ANG: variants seen among roughly 807,000 people sequenced by gnomAD.
ANG encodes the protein angiogenin.
For missense variants in ANG, 178 were observed against 187.4 expected, an observed-to-expected ratio of 0.95 and a Z score of 0.29; for synonymous variants, 74 against 73.8, an observed-to-expected ratio of 1.00 and a Z score of -0.02.
At chr14:20,684,416 T>C (rs1886322047), upstream of ANG, 1 of 152,222 alleles carries the variant, frequency 6.6e-6, no homozygotes, top group African/African-American at 2.4e-5. Context: ...GCTCGTTCTT[T>C]GCCTGGGCTG....
chr14:20,691,544 T>A (rs942057807), intron 1 of ANG, among the ~76,000 whole-genome samples: 2 of 152,234 alleles, frequency 1.3e-5, no homozygotes, highest in Admixed American at 1.3e-4. Flanking sequence ...CCTTTAGGGC[T>A]GGCTCTCCAT....
Position 20,694,034 on chromosome 14 carries a change from G to T in ANG, c.*26G>T. The stretch of plus-strand genomic sequence containing the variant: ...CCAGCGGGCCCCTGGTCAAGTGCTG[G>T]CTCTGCTGTCCTTGCCTTCCATTTC... On this transcript the variant is annotated 3_prime_UTR_variant, in exon 2 of 2. Transcript: ENST00000397990. 3.1e-6 allele frequency: 5 copies of T among 1,613,386 alleles called. No individual in the cohort carries two copies. The highest frequency in any genetic ancestry group is 4.2e-6 in the Non-Finnish European group (5 of 1,179,334).
In ANG at chr14:20,693,762, C is replaced by A; in HGVS notation, c.198C>A (p.Ile66=). The A allele has an allele frequency of 1.2e-6, 2 of 1,614,208 alleles. No individual in the cohort carries two copies. Among genetic ancestry groups the A allele is most frequent in the Non-Finnish European group, 1.7e-6 (2 of 1,180,046 alleles). The change falls in exon 2 of 2, where the codon ATC becomes ATA. Residue 66 remains isoleucine (I), a synonymous_variant. Coordinates refer to ENST00000397990, the MANE Select transcript of ANG (RefSeq NM_001097577.3). ...GCCTGACCTCACCCTGCAAAGACAT[C>A]AACACATTTATTCATGGCAACAAGC... is the stretch of plus-strand genomic sequence containing the variant. ...RRGLTSPCKD[I]NTFIHGNKRS... is the part of the protein sequence containing the mutation.
chr14:20,693,523 C>T (rs938508348), intron 1 of ANG, 24 bp from the exon 2 acceptor site: 4 of 1,607,502 alleles, frequency 2.5e-6, no homozygotes, highest in East Asian at 4.5e-5. Context: ...TTGGGTCTAC[C>T]ACACCTCCTT....
intron 1 of ANG, among the ~76,000 whole-genome samples, chr14:20,692,972 C>A (rs1219702756): frequency 1.3e-5 from 2 of 151,772 alleles, no homozygotes; most frequent in East Asian, 3.9e-4. Context: ...CTCAGCCTCC[C>A]GAGTAGCTGG....
At chr14:20,692,465 A>G (rs538698813) in intron 1 of ANG, among the ~76,000 whole-genome samples, 3 of 152,354 alleles carry the variant, frequency 2.0e-5, no homozygotes, top group South Asian at 2.1e-4. Flanking sequence ...GAGGTCCCCA[A>G]ATCCCGGTCT....
chr14:20,691,321 G>GAACAAAT (rs1342712844), intron 1 of ANG, among the ~76,000 whole-genome samples: 4 of 152,314 alleles, frequency 2.6e-5, no homozygotes, highest in Non-Finnish European at 5.9e-5. Flanking sequence ...GCAGACCTTT[G>GAACAAAT]ACATTAGAAG....
At position 20,693,572 on chromosome 14, in the gene ANG, T is replaced by G; in HGVS notation, c.8T>G (p.Met3Arg). Residue 3 changes from methionine (M) to arginine (R), a missense_variant, in exon 2 of 2, where the codon ATG (methionine) becomes AGG (arginine). Met to Arg is a moderately conservative substitution (Grantham distance 91, BLOSUM62 -1). Transcript: ENST00000397990. The stretch of plus-strand genomic sequence containing the variant: ...GAGCCTGTGTTGGAAGAGATGGTGA[T>G]GGGCCTGGGCGTTTTGTTGTTGGTC... MV[M>R]GLGVLLLVFV... 1 of 1,612,642 alleles carries G rather than the reference T, an allele frequency of 6.2e-7. No homozygotes were observed. Among genetic ancestry groups the G allele is most frequent in the Non-Finnish European group, 8.5e-7 (1 of 1,180,042 alleles).
chr14:20,690,512 G>A (rs1309843526), intron 1 of ANG, among the ~76,000 whole-genome samples: 1 of 152,102 alleles, frequency 6.6e-6, no homozygotes, highest in Non-Finnish European at 1.5e-5. Flanking sequence ...GAGTGAGGGA[G>A]CAGATGTTAG....
At chr14:20,686,348 T>A (rs942334751), upstream of ANG, among the ~76,000 whole-genome samples, 20 of 151,596 alleles carry the variant, frequency 1.3e-4, no homozygotes, top group African/African-American at 4.8e-4. Context: ...AAACAGATAA[T>A]CAGGTTATAA....
chr14:20,689,868 A>G (rs1250987028), intron 1 of ANG, among the ~76,000 whole-genome samples: 1 of 149,144 alleles, frequency 6.7e-6, no homozygotes, highest in Non-Finnish European at 1.5e-5. Flanking sequence ...GTGAGCCAAG[A>G]TAGCACCACT....
chr14:20,690,341 A>G (rs955827474), intron 1 of ANG, among the ~76,000 whole-genome samples: 1 of 152,046 alleles, frequency 6.6e-6, no homozygotes, highest in African/African-American at 2.4e-5. Context: ...ACAGAAGGAT[A>G]TATCTATAGG....
intron 1 of ANG, 158 bp from the exon 2 acceptor site, chr14:20,693,389 A>G: frequency 6.6e-6 from 6 of 912,654 alleles, no homozygotes; most frequent in Non-Finnish European, 1.0e-5. Context: ...GGATTGACGA[A>G]GTGTGAGGTT....
At chr14:20,690,244 A>AAAAAG (rs1566599960) in intron 1 of ANG, among the ~76,000 whole-genome samples, 10 of 149,852 alleles carry the variant, frequency 6.7e-5, no homozygotes, top group South Asian at 2.1e-4. Flanking sequence ...AAAAAAAAAA[A>AAAAAG]AAAAGAAAAG....
At chr14:20,693,065 T>G (rs569346622) in intron 1 of ANG, among the ~76,000 whole-genome samples, 2 of 151,818 alleles carry the variant, frequency 1.3e-5, no homozygotes, top group Admixed American at 1.3e-4. Flanking sequence ...GCCAGGATGG[T>G]CTCGATCTCC....
chr14:20,686,165 G>T (rs557211780), upstream of ANG, among the ~76,000 whole-genome samples: 1 of 152,248 alleles, frequency 6.6e-6, no homozygotes, highest in South Asian at 2.1e-4. Flanking sequence ...TAATATGAGG[G>T]GTGGACAGAG....
At chr14:20,686,062 G>A (rs1166827870), upstream of ANG, among the ~76,000 whole-genome samples, 2 of 147,872 alleles carry the variant, frequency 1.4e-5, no homozygotes, top group African/African-American at 5.1e-5. Flanking sequence ...AAAAAAAATT[G>A]TGTGGTGCAT....
chr14:20,685,933 G>A (rs369804167), upstream of ANG, among the ~76,000 whole-genome samples: 2 of 151,964 alleles, frequency 1.3e-5, no homozygotes, highest in African/African-American at 4.8e-5. Flanking sequence ...CCAGCTACTC[G>A]GGAGGCTGAG....
At chr14:20,692,991 G>T (rs1886860590) in intron 1 of ANG, among the ~76,000 whole-genome samples, 2 of 151,400 alleles carry the variant, frequency 1.3e-5, no homozygotes, top group Middle Eastern at 3.4e-3. Context: ...GGGACTACAG[G>T]CGCCCGCCAC....
Sources: allele counts gnomAD v4.1 joint callset (sites outside exome capture counted in the v4.1 genomes callset), GRCh38; gene constraint gnomAD v4.1.1; transcripts MANE v1.5; gene names NCBI Gene and HGNC (gene_info 2026-07-23, HGNC 2026-07-21).